FGD2: variants seen among roughly 807,000 people sequenced by gnomAD.
FGD2 encodes the protein FYVE, RhoGEF and PH domain containing 2.
FGD2 carries 52 observed loss-of-function variants against 75.9 expected under a neutral mutation model. The observed-to-expected ratio is 0.69, with a 90% CI of 0.55 to 0.86. The LOEUF (loss-of-function observed/expected upper bound fraction) is 0.86. Ranked by LOEUF, FGD2 falls within the 40% of genes least tolerant of loss-of-function variation. The probability of loss-of-function intolerance (pLI) is 0.00; values close to 1 mark genes in which losing one functional copy is unlikely to be tolerated. For synonymous variants in FGD2, 347 were observed against 348.6 expected, an observed-to-expected ratio of 1.00 and a Z score of 0.05; for missense variants, 790 against 872.0, an observed-to-expected ratio of 0.91 and a Z score of 1.18.
intron 8 of FGD2, 63 bp from the exon 9 acceptor site, chr6:37,015,705 A>C: frequency 2.0e-6 from 3 of 1,482,152 alleles, no homozygotes; most frequent in Non-Finnish European, 2.8e-6. Flanking sequence ...ACCCTCGGGG[A>C]AACCCCACCT....
In FGD2 at chr6:37,014,150, C is replaced by G. The variant is rs201544165; in HGVS notation, c.823+50C>G. On this transcript the variant is annotated intron_variant, in intron 6 of 15. Transcript: ENST00000274963. Reference sequence around the variant, plus strand: ...GGGGGCTGAGGAGGCCTAAGCCATTCCCATATACTTACTGAGCTCCTGCTA... The same window carrying G: ...GGGGGCTGAGGAGGCCTAAGCCATTGCCATATACTTACTGAGCTCCTGCTA... 303 of 1,564,956 alleles carry G rather than the reference C, an allele frequency of 1.9e-4. 1 individual carries two copies. The highest frequency in any genetic ancestry group is 2.6e-4 in the Non-Finnish European group (297 of 1,158,112).
rs139507039 is a variant in FGD2, at chr6:37,026,004, T to C, written c.1605+66T>C. Reference sequence around the variant, plus strand: ...TCAGGGAATGTGTGCCCGGCAACCATGCTGGGCTGACACTGTCCAGTGCTG... The same window carrying C: ...TCAGGGAATGTGTGCCCGGCAACCACGCTGGGCTGACACTGTCCAGTGCTG... On this transcript the variant is annotated intron_variant, in intron 14 of 15. Coordinates refer to ENST00000274963, the MANE Select transcript of FGD2 (RefSeq NM_173558.4). 1.8e-4 allele frequency: 285 copies of C among 1,584,050 alleles called. 2 individuals are homozygous for C. The East Asian group carries it at 6.0e-3, about 34-fold the overall frequency.
chr6:37,026,954 G>A (rs1040037199), intron 14 of FGD2, among the ~76,000 whole-genome samples: 1 of 151,616 alleles, frequency 6.6e-6, no homozygotes, highest in Non-Finnish European at 1.5e-5. Context: ...GTTGCAATGT[G>A]TTGAGATTGC....
At chr6:37,012,945 A>G in intron 4 of FGD2, 1 of 126,168 alleles carries the variant, frequency 7.9e-6, no homozygotes, top group Non-Finnish European at 1.7e-5. Context: ...CTGCCATGGG[A>G]TGATCCTGGA....
intron 7 of FGD2, 34 bp downstream of exon 7, chr6:37,014,738 C>G: frequency 6.2e-7 from 1 of 1,613,530 alleles, no homozygotes; most frequent in Non-Finnish European, 8.5e-7. Flanking sequence ...AGCCCTGTCC[C>G]CCTCCCTGCA....
At chr6:37,014,449 G>T (rs1261689277) in intron 6 of FGD2, 197 bp from the exon 7 acceptor site, 10 of 656,210 alleles carry the variant, frequency 1.5e-5, no homozygotes, top group Non-Finnish European at 2.6e-5. Flanking sequence ...AATGGCTAAC[G>T]TTCAGTGGCT....
chr6:37,011,866 C>T lies in FGD2; in HGVS notation c.527+12C>T. On this transcript the variant is annotated intron_variant, in intron 4 of 15. Transcript: ENST00000274963. ...CGCCTGGACGACTGGTGAGGTCCACCAGGAGCCCCTGAGGCCTCAGACCAC... is the reference window on the plus strand; with the variant it reads ...CGCCTGGACGACTGGTGAGGTCCACTAGGAGCCCCTGAGGCCTCAGACCAC... 2 of 1,612,866 alleles carry T rather than the reference C, an allele frequency of 1.2e-6. No individual in the cohort carries two copies. The highest frequency in any genetic ancestry group is 1.7e-6 in the Non-Finnish European group (2 of 1,179,468).
chr6:37,021,860 AG>A lies in FGD2; in HGVS notation c.1326+261del, dbSNP rs1561939573. ...TTCACGTCTCTGCAGCTCCAGCTGC[AG>A]GGGGCAGTAGGGTTTTGGGTTTGAA... On this transcript the variant is annotated intron_variant, in intron 12 of 15. Transcript: ENST00000274963. 1.2e-5 allele frequency: 6 copies of A among 492,432 alleles called. No individual in the cohort carries two copies. The South Asian group carries it at 1.9e-4, about 15-fold the overall frequency. 30.5% of individuals were successfully genotyped at this position (492,432 alleles called of 1,614,324 possible). A position where few individuals can be genotyped will look rare whatever the true frequency, so the allele number is the denominator to read the frequency against.
intron 1 of FGD2, among the ~76,000 whole-genome samples, chr6:37,007,396 G>A (rs1451956039): frequency 6.6e-6 from 1 of 152,154 alleles, no homozygotes; most frequent in Non-Finnish European, 1.5e-5. Context: ...ACAGCTCTTG[G>A]GTGCCGCCTT....
intron 11 of FGD2, among the ~76,000 whole-genome samples, chr6:37,021,198 G>A (rs113245736): frequency 4.6e-5 from 7 of 152,090 alleles, no homozygotes; most frequent in African/African-American, 1.7e-4. Flanking sequence ...GTGCTCAGCT[G>A]CTCCCTGCTC....
chr6:37,007,998 C>T (rs1764830190), intron 1 of FGD2, among the ~76,000 whole-genome samples: 1 of 152,192 alleles, frequency 6.6e-6, no homozygotes, highest in African/African-American at 2.4e-5. Flanking sequence ...AAGCAGTCGC[C>T]TGATTTGAAT....
intron 3 of FGD2, 83 bp from the exon 4 acceptor site, chr6:37,011,623 C>T: frequency 6.3e-7 from 1 of 1,581,180 alleles, no homozygotes; most frequent in African/African-American, 1.4e-5. Context: ...ATGCAGTAGG[C>T]TTGGTGGGAC....
At chr6:37,013,344 C>T in intron 4 of FGD2, 1 of 821,624 alleles carries the variant, frequency 1.2e-6, no homozygotes, top group Non-Finnish European at 1.7e-6. Context: ...TGAGCAGTTA[C>T]TGAACACCTG....
chr6:37,015,612 C>T (rs113547009), intron 8 of FGD2, among the ~76,000 whole-genome samples, 156 bp from the exon 9 acceptor site: 2 of 152,218 alleles, frequency 1.3e-5, no homozygotes, highest in Non-Finnish European at 2.9e-5. Context: ...CCTACATCAT[C>T]ACCTGTGATG....
At position 37,027,980 on chromosome 6, in the gene FGD2, G is replaced by T. The variant is rs756477865; in HGVS notation, c.1785G>T (p.Leu595=). 3.1e-6 allele frequency: 5 copies of T among 1,613,936 alleles called. No individual in the cohort carries two copies. Among genetic ancestry groups the T allele is most frequent in the Non-Finnish European group, 8.5e-7 (1 of 1,180,028 alleles). The change falls in exon 16 of 16, where the codon CTG becomes CTT. Residue 595 remains leucine (L), a synonymous_variant. Coordinates refer to ENST00000274963, the MANE Select transcript of FGD2 (RefSeq NM_173558.4). ...GGGCTCACACCTCCATCCCCCTGCT[G>T]GGCTACCAGGTGACTGTTGGGCCCC... ...DMRAHTSIPL[L]GYQVTVGPQG... is the part of the protein sequence containing the mutation.
Position 37,008,847 on chromosome 6 carries a change from G to A in FGD2, c.82G>A (p.Ala28Thr). 1.3e-6 allele frequency: 2 copies of A among 1,592,682 alleles called. No individual in the cohort carries two copies. Among genetic ancestry groups the A allele is most frequent in the South Asian group, 1.1e-5 (1 of 89,044 alleles). ...VFENSRTPEA[A>T]PRGQRLEDVH... is the part of the protein sequence containing the mutation. ...TCTTCTCCTCAGGACCCCAGAAGCA[G>A]CACCCAGAGGCCAGAGGCTAGAGGA... Residue 28 changes from alanine (A) to threonine (T), a missense_variant, in exon 2 of 16, where the codon GCA becomes ACA. Transcript: ENST00000274963.
chr6:37,027,905 G>T, intron 15 of FGD2, 43 bp from the exon 16 acceptor site: 1 of 1,600,446 alleles, frequency 6.2e-7, no homozygotes, highest in Non-Finnish European at 8.5e-7. Flanking sequence ...GGGGCAGTAG[G>T]ACTGAGAGGG....
At chr6:37,025,501 C>T (rs533669380) in intron 13 of FGD2, 4 of 434,924 alleles carry the variant, frequency 9.2e-6, no homozygotes, top group Non-Finnish European at 1.7e-5. Flanking sequence ...AGCCCTCACT[C>T]GGAGGGAACC....
At chr6:37,014,188 C>A in intron 6 of FGD2, 88 bp downstream of exon 6, 1 of 1,467,514 alleles carries the variant, frequency 6.8e-7, no homozygotes, top group Admixed American at 2.3e-5. Context: ...ATGGTTTTGA[C>A]GACCATCAGT....
Sources: gnomAD v4.1 joint callset for allele counts (sites outside exome capture counted in the v4.1 genomes callset) on GRCh38, gnomAD v4.1.1 for gene constraint, MANE v1.5 for transcripts, NCBI Gene and HGNC (gene_info 2026-07-23, HGNC 2026-07-21) for gene names.